KLHL32: variants seen among roughly 807,000 people sequenced by gnomAD.
KLHL32 encodes kelch like family member 32.
KLHL32 carries 35 observed loss-of-function variants against 64.8 expected under a neutral mutation model. The ratio of observed to expected loss-of-function variants is 0.54; its 90% CI spans 0.41 to 0.72. The LOEUF (loss-of-function observed/expected upper bound fraction) is 0.72, where lower values mean the gene tolerates loss of function less well. KLHL32 is among the 30% of genes least tolerant of loss of function. The pLI, the probability that KLHL32 is intolerant of heterozygous loss-of-function variation, is 0.00. For synonymous variants in KLHL32, 259 were observed against 281.0 expected (o/e 0.92, Z 0.78); for missense variants, 589 against 768.5 (o/e 0.77, Z 2.76).
chr6:97,040,653 G>T (rs1027405819), intron 3 of KLHL32, among the ~76,000 whole-genome samples: 2 of 152,130 alleles, frequency 1.3e-5, no homozygotes, highest in African/African-American at 4.8e-5. Context: ...GAAACGGAGT[G>T]TGTGATACAT....
chr6:96,999,218 ACACCC>A (rs1331349868), intron 3 of KLHL32, among the ~76,000 whole-genome samples: 3 of 152,124 alleles, frequency 2.0e-5, no homozygotes, highest in African/African-American at 2.4e-5. Context: ...CGACATAGGG[ACACCC>A]CATCTCTACA....
the KLHL32 span, among the ~76,000 whole-genome samples, chr6:96,915,889 G>C: frequency 6.6e-6 from 1 of 152,076 alleles, no homozygotes; most frequent in Admixed American, 6.5e-5. Context: ...CTTAAAAGCA[G>C]GACATAAATT....
At chr6:97,054,266 CTAAGT>C (rs1173164275) in intron 4 of KLHL32, among the ~76,000 whole-genome samples, 1 of 152,164 alleles carries the variant, frequency 6.6e-6, no homozygotes, top group Non-Finnish European at 1.5e-5. Flanking sequence ...ATTGAATACT[CTAAGT>C]TAACTTGTGA....
chr6:96,932,139 G>T (rs1357564374), intron 1 of KLHL32, among the ~76,000 whole-genome samples: 1 of 150,060 alleles, frequency 6.7e-6, no homozygotes, highest in Non-Finnish European at 1.5e-5. Context: ...ATGCCCCTTT[G>T]GCTGCATAAA....
At chr6:96,947,526 A>G (rs1772067224) in intron 1 of KLHL32, among the ~76,000 whole-genome samples, 1 of 152,180 alleles carries the variant, frequency 6.6e-6, no homozygotes, top group African/African-American at 2.4e-5. Flanking sequence ...GTCATGAGCA[A>G]TGTCTTACAA....
chr6:96,992,319 G>T lies in KLHL32; in HGVS notation c.204+16142G>T, dbSNP rs535313516. Reference sequence around the variant, plus strand: ...ACTCACCGTTTCCTGGCTGTGGGGGGCCTCCCCTGGCTCTTCGCCTCTCCC... The same window carrying T: ...ACTCACCGTTTCCTGGCTGTGGGGGTCCTCCCCTGGCTCTTCGCCTCTCCC... On this transcript the variant is annotated intron_variant, in intron 3 of 10. Coordinates refer to ENST00000369261, the MANE Select transcript of KLHL32 (RefSeq NM_052904.4). Among the ~76,000 whole-genome samples, 301 of 152,350 alleles carry T rather than the reference G, an allele frequency of 2.0e-3. 3 individuals carry two copies. Among genetic ancestry groups the T allele is most frequent in the South Asian group, 0.018 (85 of 4,828 alleles).
the KLHL32 span, among the ~76,000 whole-genome samples, chr6:96,904,242 T>G: frequency 6.7e-6 from 1 of 149,082 alleles, no homozygotes; most frequent in African/African-American, 2.5e-5. Flanking sequence ...CTCAGGAGGC[T>G]GAGGCACAAG....
chr6:96,992,990 A>G (rs1778054671), intron 3 of KLHL32, among the ~76,000 whole-genome samples: 1 of 152,164 alleles, frequency 6.6e-6, no homozygotes, highest in Admixed American at 6.5e-5. Context: ...AAATTCACTG[A>G]CTTGTGCACT....
intron 3 of KLHL32, among the ~76,000 whole-genome samples, chr6:97,001,731 T>C (rs938859444): frequency 6.6e-6 from 1 of 152,238 alleles, no homozygotes; most frequent in African/African-American, 2.4e-5. Flanking sequence ...GAAGAACAGA[T>C]AATAGTCATG....
chr6:97,099,722 C>T (rs529343150), intron 6 of KLHL32, among the ~76,000 whole-genome samples: 1 of 152,160 alleles, frequency 6.6e-6, no homozygotes, highest in Non-Finnish European at 1.5e-5. Context: ...GCCCTGCCCC[C>T]CTGTCTCTGC....
intron 10 of KLHL32, among the ~76,000 whole-genome samples, chr6:97,138,633 A>G (rs910215571): frequency 6.6e-6 from 1 of 152,218 alleles, no homozygotes; most frequent in East Asian, 1.9e-4. Flanking sequence ...AACCTTCCAG[A>G]ATCGACTGAA....
At position 97,114,265 on chromosome 6, in the gene KLHL32, C is replaced by T. The variant is rs1797576997; in HGVS notation, c.1110C>T (p.Arg370=). The change falls in exon 7 of 11, where the codon CGC becomes CGT. Residue 370 remains arginine (R), a synonymous_variant. Transcript: ENST00000369261. ...CGTGTGCTGTGAGGACTGCCTGTCG[C>T]TATGACCCCCGCAGTAATTCCTGGG... The part of the protein sequence containing the change: ...GRTCAVRTAC[R]YDPRSNSWAE... 3 of 1,614,154 alleles carry T rather than the reference C, an allele frequency of 1.9e-6. No homozygotes were observed. The highest frequency in any genetic ancestry group is 2.5e-6 in the Non-Finnish European group (3 of 1,180,042).
At chr6:97,000,471 C>G (rs1407067907) in intron 3 of KLHL32, among the ~76,000 whole-genome samples, 1 of 152,106 alleles carries the variant, frequency 6.6e-6, no homozygotes, top group Non-Finnish European at 1.5e-5. Context: ...GATCTTGTCC[C>G]AGATGTTTAA....
chr6:96,924,387 G>A (rs1768878647), upstream of KLHL32, among the ~76,000 whole-genome samples: 1 of 151,748 alleles, frequency 6.6e-6, no homozygotes, highest in Non-Finnish European at 1.5e-5. Context: ...GGCGACGCAG[G>A]TGCCGGAGAG....
intron 1 of KLHL32, among the ~76,000 whole-genome samples, chr6:96,936,473 C>G (rs532065386): frequency 8.0e-4 from 122 of 152,300 alleles, no homozygotes; most frequent in African/African-American, 2.8e-3. Context: ...AGCACCCAAA[C>G]CTTGGAAACA....
At chr6:97,029,781 G>A (rs1212802164) in intron 3 of KLHL32, among the ~76,000 whole-genome samples, 1 of 152,184 alleles carries the variant, frequency 6.6e-6, no homozygotes, top group African/African-American at 2.4e-5. Context: ...TTCTATATGT[G>A]AGGTGTAACC....
chr6:97,057,360 T>G (rs1490290537), intron 4 of KLHL32, among the ~76,000 whole-genome samples: 5 of 127,548 alleles, frequency 3.9e-5, no homozygotes, highest in Non-Finnish European at 7.8e-5. Context: ...ATTTTTGTAT[T>G]TTTAGTAGAG....
intron 4 of KLHL32, among the ~76,000 whole-genome samples, chr6:97,048,123 G>A (rs1243218919): frequency 6.6e-6 from 1 of 152,182 alleles, no homozygotes; most frequent in Non-Finnish European, 1.5e-5. Flanking sequence ...CTTGGAGACT[G>A]ATGAAGAGGT....
intron 5 of KLHL32, among the ~76,000 whole-genome samples, chr6:97,083,389 CA>C (rs5878462): frequency 0.82 from 115,292 of 140,900 alleles, 46,795 homozygotes; most frequent in East Asian, 0.92. Flanking sequence ...GACTCCGTCT[CA>C]AAAAAAAAAA....
Sources: gnomAD v4.1 joint callset for allele counts (sites outside exome capture counted in the v4.1 genomes callset) on GRCh38, gnomAD v4.1.1 for gene constraint, MANE v1.5 for transcripts, NCBI Gene and HGNC (gene_info 2026-07-23, HGNC 2026-07-21) for gene names.